The following KCNN2 variants were observed in gnomAD, a reference collection of about 807,000 sequenced individuals.
KCNN2 encodes small conductance calcium-activated potassium channel protein 2.
KCNN2 carries 24 observed loss-of-function variants against 55.5 expected under a neutral mutation model. That is an observed-to-expected ratio of 0.43 (90% CI 0.31 to 0.61). The LOEUF (loss-of-function observed/expected upper bound fraction) is 0.61. KCNN2 is among the 20% of genes least tolerant of loss of function. KCNN2 has a pLI of 0.08. For missense variants in KCNN2, 754 were observed against 853.6 expected (o/e 0.88, Z 1.45); for synonymous variants, 431 against 336.1 (o/e 1.28, Z -3.09).
At chr5:114,096,938 A>G (rs4705622) in intron 1 of KCNN2, among the ~76,000 whole-genome samples, 79,035 of 151,866 alleles carry the variant, frequency 0.52, 21,561 homozygotes, top group East Asian at 0.68. Flanking sequence ...AAGTTCTGCT[A>G]TTACCTCCCT....
chr5:114,217,635 A>G (rs1754034106), intron 1 of KCNN2, among the ~76,000 whole-genome samples: 1 of 152,174 alleles, frequency 6.6e-6, no homozygotes, highest in Non-Finnish European at 1.5e-5. Flanking sequence ...TGTTAACACG[A>G]AAGTATAAAA....
chr5:114,133,949 T>A (rs1752118868), intron 1 of KCNN2, among the ~76,000 whole-genome samples: 1 of 152,236 alleles, frequency 6.6e-6, no homozygotes, highest in African/African-American at 2.4e-5. Context: ...ATTTGGTCTT[T>A]TGAACCCATT....
At chr5:114,325,523 A>G (rs1355012103) in intron 2 of KCNN2, among the ~76,000 whole-genome samples, 1 of 152,224 alleles carries the variant, frequency 6.6e-6, no homozygotes, top group Non-Finnish European at 1.5e-5. Context: ...AGAGATTAAG[A>G]GTGTGACTTA....
intron 7 of KCNN2, 125 bp downstream of exon 7, chr5:114,493,597 C>T (rs1219211468): frequency 5.8e-6 from 4 of 688,618 alleles, no homozygotes; most frequent in Admixed American, 2.3e-5. Flanking sequence ...ACCAGCAAAG[C>T]ACCCTAAAAT....
chr5:114,481,239 G>T (rs529161106), intron 5 of KCNN2, among the ~76,000 whole-genome samples: 1 of 152,016 alleles, frequency 6.6e-6, no homozygotes, highest in Non-Finnish European at 1.5e-5. Flanking sequence ...TGAATGAACT[G>T]CCATCCACAA....
intron 2 of KCNN2, among the ~76,000 whole-genome samples, chr5:114,242,911 G>T (rs980694227): frequency 6.6e-6 from 1 of 152,216 alleles, no homozygotes; most frequent in East Asian, 1.9e-4. Context: ...AACATGCCTT[G>T]TTTGGGACTC....
chr5:114,465,663 C>T (rs191317911), intron 4 of KCNN2, among the ~76,000 whole-genome samples: 1 of 151,808 alleles, frequency 6.6e-6, no homozygotes, highest in East Asian at 1.9e-4. Flanking sequence ...TATATGTGGA[C>T]ACAAAAATGT....
At chr5:114,436,450 T>C (rs1045363269) in intron 3 of KCNN2, among the ~76,000 whole-genome samples, 1 of 152,200 alleles carries the variant, frequency 6.6e-6, no homozygotes, top group Non-Finnish European at 1.5e-5. Context: ...GATTAAACAA[T>C]CTTGATTTAC....
At chr5:114,489,803 C>T (rs1032176426) in intron 6 of KCNN2, among the ~76,000 whole-genome samples, 2 of 152,126 alleles carry the variant, frequency 1.3e-5, no homozygotes, top group African/African-American at 4.8e-5. Context: ...TGTGCAGATC[C>T]AGTGAGACCC....
upstream of KCNN2, among the ~76,000 whole-genome samples, chr5:114,360,225 C>T (rs533662747): frequency 6.6e-6 from 1 of 151,994 alleles, no homozygotes; most frequent in Non-Finnish European, 1.5e-5. Context: ...TTTGCACACA[C>T]AAAAAATTAA....
At chr5:114,067,466 C>A (rs1291245439) in intron 1 of KCNN2, among the ~76,000 whole-genome samples, 1 of 152,114 alleles carries the variant, frequency 6.6e-6, no homozygotes, top group East Asian at 1.9e-4. Flanking sequence ...GTCTATGCAT[C>A]TTTAATCTAA....
At chr5:114,079,740 T>C (rs1750762531) in intron 1 of KCNN2, among the ~76,000 whole-genome samples, 1 of 152,032 alleles carries the variant, frequency 6.6e-6, no homozygotes, top group Admixed American at 6.6e-5. Context: ...GTCTTAAAGA[T>C]CATCTACTGT....
chr5:114,067,322 T>TA (rs1414402209), intron 1 of KCNN2, among the ~76,000 whole-genome samples: 5 of 152,180 alleles, frequency 3.3e-5, no homozygotes, highest in Non-Finnish European at 7.3e-5. Context: ...GGCAACCTGA[T>TA]AAAATGCAGA....
intron 1 of KCNN2, among the ~76,000 whole-genome samples, chr5:114,149,830 G>A (rs531251471): frequency 8.5e-5 from 13 of 152,218 alleles, no homozygotes; most frequent in Admixed American, 5.9e-4. Context: ...CTAGACAACC[G>A]GTTAGACCAA....
chr5:114,486,658 A>G, intron 5 of KCNN2: 1 of 1,026,144 alleles, frequency 9.7e-7, no homozygotes, highest in Non-Finnish European at 1.3e-6. Context: ...TGCAAAGGAC[A>G]AGATTAACCT....
chr5:114,375,054 A>G (rs1291591546), intron 2 of KCNN2, among the ~76,000 whole-genome samples: 1 of 152,174 alleles, frequency 6.6e-6, no homozygotes, highest in African/African-American at 2.4e-5. Context: ...GAAAGCATAA[A>G]ATACTATAGT....
At chr5:114,280,061 C>A (rs1348234440) in intron 2 of KCNN2, among the ~76,000 whole-genome samples, 1 of 152,154 alleles carries the variant, frequency 6.6e-6, no homozygotes, top group Non-Finnish European at 1.5e-5. Flanking sequence ...TGATGATGAG[C>A]ATTTTTTCAT....
At chr5:114,328,594 ACGG>A (rs1228380841) in intron 2 of KCNN2, among the ~76,000 whole-genome samples, 2 of 152,228 alleles carry the variant, frequency 1.3e-5, no homozygotes, top group Admixed American at 6.5e-5. Context: ...TGTTTGAGTG[ACGG>A]TTGTTTATAG....
intron 1 of KCNN2, among the ~76,000 whole-genome samples, chr5:114,220,128 G>T (rs139522991): frequency 1.3e-5 from 2 of 152,218 alleles, no homozygotes; most frequent in East Asian, 1.9e-4. Context: ...AAAACTGGCC[G>T]TGTAAAACAA....
Sources: allele counts gnomAD v4.1 joint callset (sites outside exome capture counted in the v4.1 genomes callset), GRCh38; gene constraint gnomAD v4.1.1; transcripts MANE v1.5; gene names NCBI Gene and HGNC (gene_info 2026-07-23, HGNC 2026-07-21).